ACAP2: variants seen among roughly 807,000 people sequenced by gnomAD.
The protein encoded by ACAP2 is ArfGAP with coiled-coil, ankyrin repeat and PH domains 2.
In ACAP2, 39 loss-of-function variants were observed where a neutral mutation model predicts 115.8. The ratio of observed to expected loss-of-function variants is 0.34; its 90% CI spans 0.26 to 0.44. The LOEUF (loss-of-function observed/expected upper bound fraction) is 0.44. Among genes scored for constraint, ACAP2 ranks in the 20% least tolerant of loss-of-function variants. The pLI is 1.00. For synonymous variants in ACAP2, 289 were observed against 315.8 expected (o/e 0.92, Z 0.90); for missense variants, 662 against 927.6 (o/e 0.71, Z 3.72).
At chr3:195,342,439 T>C (rs550742756) in intron 6 of ACAP2, 32 bp downstream of exon 6, 14 of 1,558,062 alleles carry the variant, frequency 9.0e-6, no homozygotes, top group Non-Finnish European at 1.2e-5. Flanking sequence ...GTAAGCACTG[T>C]CTGAAAACAT....
intron 1 of ACAP2, among the ~76,000 whole-genome samples, chr3:195,418,289 T>C (rs934771225): frequency 1.3e-5 from 2 of 152,254 alleles, no homozygotes; most frequent in Admixed American, 1.3e-4. Context: ...ACTTAAATTA[T>C]ATCACTTACA....
At chr3:195,350,656 A>AAG (rs1553855662) in intron 4 of ACAP2, among the ~76,000 whole-genome samples, 1 of 151,846 alleles carries the variant, frequency 6.6e-6, no homozygotes, top group African/African-American at 2.4e-5. Flanking sequence ...CAGGAAAAAA[A>AAG]AAAAAAGAAA....
At chr3:195,345,057 G>A (rs954805443) in intron 5 of ACAP2, among the ~76,000 whole-genome samples, 1 of 152,114 alleles carries the variant, frequency 6.6e-6, no homozygotes, top group African/African-American at 2.4e-5. Flanking sequence ...CGTATTTGTG[G>A]AATAAGTGAT....
chr3:195,425,377 A>G (rs1421242290), intron 1 of ACAP2, among the ~76,000 whole-genome samples: 1 of 152,242 alleles, frequency 6.6e-6, no homozygotes, highest in African/African-American at 2.4e-5. Context: ...AATTCCTCAA[A>G]TAAAAATTAT....
chr3:195,308,917 G>T, intron 10 of ACAP2, 80 bp from the exon 11 acceptor site: 1 of 1,334,078 alleles, frequency 7.5e-7, no homozygotes, highest in Non-Finnish European at 1.1e-6. Context: ...ATTTGAGAAA[G>T]CACTGGAAAT....
intron 4 of ACAP2, among the ~76,000 whole-genome samples, chr3:195,367,330 A>T (rs1732796493): frequency 6.6e-6 from 1 of 152,186 alleles, no homozygotes; most frequent in Non-Finnish European, 1.5e-5. Context: ...AAACTTTACT[A>T]GTGGTTCTCA....
At chr3:195,295,379 A>C (rs775952604) in intron 17 of ACAP2, 2 of 811,596 alleles carry the variant, frequency 2.5e-6, no homozygotes, top group Non-Finnish European at 3.5e-6. Context: ...ACTGGGAAAA[A>C]ATTTAGGAGG....
chr3:195,326,034 T>A (rs983558778), intron 9 of ACAP2, among the ~76,000 whole-genome samples: 1 of 152,222 alleles, frequency 6.6e-6, no homozygotes, highest in Non-Finnish European at 1.5e-5. Flanking sequence ...CTTACTTTTA[T>A]TATGATTTTG....
chr3:195,324,937 A>G (rs187124889), intron 9 of ACAP2, among the ~76,000 whole-genome samples: 1 of 152,314 alleles, frequency 6.6e-6, no homozygotes, highest in African/African-American at 2.4e-5. Flanking sequence ...ATTTGATCAA[A>G]CATCAGGCAG....
chr3:195,295,266 C>T (rs766974719), intron 17 of ACAP2: 1 of 1,291,572 alleles, frequency 7.7e-7, no homozygotes, highest in Non-Finnish European at 1.0e-6. Flanking sequence ...AAAACAGAGA[C>T]TCCCGCCTGG....
At chr3:195,287,972 A>G (rs1726957024) in intron 21 of ACAP2, among the ~76,000 whole-genome samples, 3 of 152,020 alleles carry the variant, frequency 2.0e-5, no homozygotes, top group Admixed American at 2.0e-4. Flanking sequence ...GTGGTGGCGC[A>G]TGTGTGTAAT....
intron 2 of ACAP2, among the ~76,000 whole-genome samples, chr3:195,387,620 T>A (rs545326048): frequency 5.7e-4 from 87 of 152,280 alleles, no homozygotes; most frequent in African/African-American, 2.0e-3. Flanking sequence ...CATACCCAGC[T>A]AATTTTTGTA....
chr3:195,432,149 T>G (rs1715177215), intron 1 of ACAP2, among the ~76,000 whole-genome samples: 1 of 152,228 alleles, frequency 6.6e-6, no homozygotes, highest in Non-Finnish European at 1.5e-5. Context: ...GTGCATGACT[T>G]TTAATGTTCT....
At chr3:195,314,934 T>C (rs952942746) in intron 10 of ACAP2, among the ~76,000 whole-genome samples, 1 of 152,248 alleles carries the variant, frequency 6.6e-6, no homozygotes, top group African/African-American at 2.4e-5. Flanking sequence ...TTTAAAAGAT[T>C]ACTCTTCTTT....
intron 9 of ACAP2, among the ~76,000 whole-genome samples, chr3:195,324,066 G>T (rs922023786): frequency 4.6e-5 from 7 of 151,938 alleles, no homozygotes; most frequent in Admixed American, 1.3e-4. Flanking sequence ...AATTAAAAAT[G>T]AAAAATAAAA....
At chr3:195,363,111 AAATC>A (rs1163806361) in intron 4 of ACAP2, among the ~76,000 whole-genome samples, 1 of 152,250 alleles carries the variant, frequency 6.6e-6, no homozygotes, top group Non-Finnish European at 1.5e-5. Flanking sequence ...GCAGGATACA[AAATC>A]AACACACAAA....
intron 2 of ACAP2, among the ~76,000 whole-genome samples, chr3:195,386,081 C>T (rs1030459819): frequency 1.3e-5 from 2 of 152,194 alleles, no homozygotes; most frequent in Non-Finnish European, 2.9e-5. Context: ...AGGACTGATA[C>T]ATGCTACAAC....
At chr3:195,422,390 T>C (rs1306732902) in intron 1 of ACAP2, among the ~76,000 whole-genome samples, 3 of 152,238 alleles carry the variant, frequency 2.0e-5, no homozygotes, top group Non-Finnish European at 4.4e-5. Context: ...TTACTGTCTC[T>C]GAAAGTATTT....
intron 22 of ACAP2, among the ~76,000 whole-genome samples, chr3:195,280,096 T>C (rs991098613): frequency 6.6e-5 from 10 of 151,968 alleles, no homozygotes; most frequent in African/African-American, 1.5e-4. Flanking sequence ...GGGGGGAGAA[T>C]TGGTTGAGGC....
Sources: gnomAD v4.1 joint callset for allele counts (sites outside exome capture counted in the v4.1 genomes callset) on GRCh38, gnomAD v4.1.1 for gene constraint, MANE v1.5 for transcripts, NCBI Gene and HGNC (gene_info 2026-07-23, HGNC 2026-07-21) for gene names.